The following PAX7 variants were observed in gnomAD, a reference collection of about 807,000 sequenced individuals.
The protein encoded by PAX7 is paired box protein Pax-7.
Under a neutral mutation model 50.7 loss-of-function variants are expected in PAX7, and 18 were observed. The ratio of observed to expected loss-of-function variants is 0.36; its 90% CI spans 0.25 to 0.53. The LOEUF is 0.53. PAX7 is among the 20% of genes least tolerant of loss of function. The pLI, the probability that PAX7 is intolerant of heterozygous loss-of-function variation, is 0.93. For missense variants in PAX7, 644 were observed against 702.9 expected, an observed-to-expected ratio of 0.92 and a Z score of 0.95; for synonymous variants, 310 against 290.4, an observed-to-expected ratio of 1.07 and a Z score of -0.69.
chr1:18,667,466 C>G (rs1180518016), intron 4 of PAX7, among the ~76,000 whole-genome samples: 1 of 150,672 alleles, frequency 6.6e-6, no homozygotes, highest in African/African-American at 2.5e-5. Flanking sequence ...TTGGTCTGCA[C>G]ACACCCCGGA....
chr1:18,690,788 G>A (rs2089057465), intron 4 of PAX7, among the ~76,000 whole-genome samples: 1 of 152,220 alleles, frequency 6.6e-6, no homozygotes, highest in South Asian at 2.1e-4. Context: ...CTCTAGCCTG[G>A]GGGAATCACT....
intron 4 of PAX7, among the ~76,000 whole-genome samples, chr1:18,652,652 G>A (rs1253149745): frequency 6.6e-6 from 1 of 152,196 alleles, no homozygotes; most frequent in Non-Finnish European, 1.5e-5. Context: ...CTGCATATGT[G>A]TTAAGTGCTT....
At chr1:18,643,155 G>T (rs1341987838) in intron 4 of PAX7, among the ~76,000 whole-genome samples, 5 of 152,238 alleles carry the variant, frequency 3.3e-5, no homozygotes, top group African/African-American at 1.2e-4. Context: ...GGCGCCTTGG[G>T]CACGCGTGCC....
At chr1:18,643,531 G>A (rs1366015328) in intron 4 of PAX7, among the ~76,000 whole-genome samples, 3 of 152,246 alleles carry the variant, frequency 2.0e-5, no homozygotes, top group African/African-American at 7.2e-5. Flanking sequence ...GAAAGACAAA[G>A]AGATGCAGAA....
intron 4 of PAX7, among the ~76,000 whole-genome samples, chr1:18,648,596 G>A (rs1234745300): frequency 1.3e-5 from 2 of 152,030 alleles, no homozygotes; most frequent in Non-Finnish European, 2.9e-5. Context: ...TCCCATCTTG[G>A]CCTCCCAAAG....
Position 18,745,009 on chromosome 1 carries a change from A to AC in PAX7, c.*86dup. The AC allele has an allele frequency of 2.5e-6, 2 of 812,940 alleles. No individual in the cohort carries two copies. The highest frequency in any genetic ancestry group is 2.0e-6 in the Non-Finnish European group (1 of 491,994). The allele number at this position is 812,940 out of a possible 1,614,324, so 50.4% of individuals were successfully genotyped here. A position where few individuals can be genotyped will look rare whatever the true frequency, so the allele number is the denominator to read the frequency against. Reference sequence around the variant, plus strand: ...CTGAGCTTCCCAGCCTTGCCGCCTCACCCCCCTGTTGTCCTAGGAGGCCAG... The same window carrying AC: ...CTGAGCTTCCCAGCCTTGCCGCCTCACCCCCCCTGTTGTCCTAGGAGGCCAG... On this transcript the variant is annotated 3_prime_UTR_variant, in exon 9 of 9. Coordinates refer to ENST00000420770, the MANE Select transcript of PAX7 (RefSeq NM_001135254.2).
intron 8 of PAX7, among the ~76,000 whole-genome samples, chr1:18,737,191 C>G (rs568136873): frequency 1.9e-4 from 29 of 152,390 alleles, no homozygotes; most frequent in African/African-American, 6.7e-4. Flanking sequence ...CCTGCCCCAC[C>G]GCCCTGCAAA....
chr1:18,710,889 C>A (rs903451488), intron 7 of PAX7, among the ~76,000 whole-genome samples: 4 of 152,164 alleles, frequency 2.6e-5, no homozygotes, highest in African/African-American at 9.7e-5. Context: ...GCACATTTTC[C>A]GAGGTTGGGT....
At chr1:18,685,944 C>T (rs1397702378) in intron 4 of PAX7, among the ~76,000 whole-genome samples, 5 of 151,066 alleles carry the variant, frequency 3.3e-5, no homozygotes, top group Admixed American at 1.3e-4. Context: ...ACCACCATCA[C>T]CTCAGCCTGG....
chr1:18,722,359 C>T (rs1043225311), intron 7 of PAX7, among the ~76,000 whole-genome samples: 3 of 152,156 alleles, frequency 2.0e-5, no homozygotes, highest in Admixed American at 6.5e-5. Context: ...TATCTCCTCC[C>T]GCATCTCTTA....
chr1:18,638,938 A>AT (rs2088204656), intron 4 of PAX7, among the ~76,000 whole-genome samples: 1 of 152,172 alleles, frequency 6.6e-6, no homozygotes, highest in South Asian at 2.1e-4. Context: ...GAGATGCCCC[A>AT]TGGCCAGAGC....
In PAX7 at chr1:18,687,930, C is replaced by T. The variant is rs375605965; in HGVS notation, c.587-3824C>T. On this transcript the variant is annotated intron_variant, in intron 4 of 8. Transcript: ENST00000420770. ...ACAAGGAGACAGGAAGGAATTAGAC[C>T]CAGAACTCCATGGTGAGTCTAGAAA... Among the ~76,000 whole-genome samples, 115 of 152,170 alleles carry T rather than the reference C, an allele frequency of 7.6e-4. 1 individual carries two copies. Among genetic ancestry groups the T allele is most frequent in the South Asian group, 5.8e-3 (28 of 4,798 alleles).
intron 4 of PAX7, among the ~76,000 whole-genome samples, chr1:18,668,951 C>G (rs950782702): frequency 6.6e-6 from 1 of 152,228 alleles, no homozygotes; most frequent in African/African-American, 2.4e-5. Flanking sequence ...TAACCTTCAG[C>G]AAACAGTGAC....
chr1:18,635,075 C>A, intron 2 of PAX7, 36 bp from the exon 3 acceptor site: 1 of 1,609,188 alleles, frequency 6.2e-7, no homozygotes. Context: ...CCCATCCCAT[C>A]TTTCCACTCC....
chr1:18,707,415 CTTT>C (rs60914648), intron 7 of PAX7, among the ~76,000 whole-genome samples: 28 of 28,066 alleles, frequency 1.0e-3, no homozygotes, highest in African/African-American at 2.2e-3. Context: ...TTTTTTCTTT[CTTT>C]TTTTTTTTTT....
chr1:18,715,058 A>G (rs1320549880), intron 7 of PAX7, among the ~76,000 whole-genome samples: 6 of 152,246 alleles, frequency 3.9e-5, no homozygotes, highest in African/African-American at 1.2e-4. Context: ...AGGCCAGGCA[A>G]GATCGCAGGT....
Position 18,747,302 on chromosome 1 carries a change from A to T in PAX7, c.*2373A>T, listed in dbSNP as rs1012950201. ...TCTGGTCCCGATGGTGAAATGGAACAAAGACCTGCTTGGGAATAAACCAAA... is the reference window on the plus strand; with the variant it reads ...TCTGGTCCCGATGGTGAAATGGAACTAAGACCTGCTTGGGAATAAACCAAA... On this transcript the variant is annotated 3_prime_UTR_variant, in exon 9 of 9. Coordinates refer to ENST00000420770, the MANE Select transcript of PAX7 (RefSeq NM_001135254.2). The T allele has an allele frequency of 1.3e-5, 3 of 229,518 alleles. No individual in the cohort carries two copies. The Admixed American group carries it at 1.7e-4, about 13-fold the overall frequency. The allele number at this position is 229,518 out of a possible 1,614,324, so 14.2% of individuals were successfully genotyped here. A position where few individuals can be genotyped will look rare whatever the true frequency, so the allele number is the denominator to read the frequency against.
chr1:18,707,319 C>G (rs946357410), intron 7 of PAX7, among the ~76,000 whole-genome samples: 3 of 151,442 alleles, frequency 2.0e-5, no homozygotes, highest in African/African-American at 7.3e-5. Flanking sequence ...GGGTGTTTTA[C>G]TTATATTAAT....
At position 18,694,503 on chromosome 1, in the gene PAX7, AATAAATAT is replaced by A. The variant is rs1284360812; in HGVS notation, c.786+2552_786+2559del. 3.8e-3 allele frequency among the ~76,000 whole-genome samples: 563 copies of A among 148,680 alleles called. 3 individuals carry two copies. Among genetic ancestry groups the A allele is most frequent in the South Asian group, 0.012 (59 of 4,736 alleles). On this transcript the variant is annotated intron_variant, in intron 5 of 8. Coordinates refer to ENST00000420770, the MANE Select transcript of PAX7 (RefSeq NM_001135254.2). ...AAATAAATAAATAAATAAATAAATA[AATAAATAT>A]AAAATAAAATAAATCAAGAACATTT...
Sources: allele counts gnomAD v4.1 joint callset (sites outside exome capture counted in the v4.1 genomes callset), GRCh38; gene constraint gnomAD v4.1.1; transcripts MANE v1.5; gene names NCBI Gene and HGNC (gene_info 2026-07-23, HGNC 2026-07-21).